The following TJP2 variants were observed in gnomAD, a reference collection of about 807,000 sequenced individuals.
The protein encoded by TJP2 is tight junction protein 2, also known as Friedreich ataxia region gene X104 (tight junction protein ZO-2).
A neutral mutation model predicts 133.1 loss-of-function variants in TJP2; 91 were observed. That is an observed-to-expected ratio of 0.68 (90% CI 0.58 to 0.81). The LOEUF is 0.81. Among genes scored for constraint, TJP2 ranks in the 40% least tolerant of loss-of-function variants. The probability of loss-of-function intolerance (pLI) is 0.00; values close to 1 mark genes in which losing one functional copy is unlikely to be tolerated. For synonymous variants in TJP2, 592 were observed against 583.4 expected (o/e 1.01, Z -0.21); for missense variants, 1,541 against 1,565.6 (o/e 0.98, Z 0.26).
chr9:69,212,771 G>A (rs963557073), intron 2 of TJP2, among the ~76,000 whole-genome samples, 170 bp downstream of exon 2: 1 of 151,946 alleles, frequency 6.6e-6, no homozygotes, highest in Non-Finnish European at 1.5e-5. Context: ...AGATTTGCAT[G>A]CTATTGTATT....
chr9:69,239,826 A>T, intron 16 of TJP2, 111 bp from the exon 17 acceptor site: 3 of 845,916 alleles, frequency 3.5e-6, no homozygotes, highest in Non-Finnish European at 5.3e-6. Context: ...ATAAGTAAAC[A>T]AACAAACAAA....
chr9:69,122,107 C>T (rs899985184), intron 1 of TJP2: 1 of 152,352 alleles, frequency 6.6e-6, no homozygotes. Context: ...CCACAGGTGT[C>T]TGGGAGCCAC....
At chr9:69,186,190 C>G (rs1825850148) in intron 1 of TJP2, among the ~76,000 whole-genome samples, 1 of 152,140 alleles carries the variant, frequency 6.6e-6, no homozygotes, top group Non-Finnish European at 1.5e-5. Flanking sequence ...TTTTTTCCTC[C>G]TTCAAATACT....
rs536733607 is a variant in TJP2 at position 69,248,329 on chromosome 9, G to A, written c.2880+105G>A. 11 of 1,472,224 alleles carry A rather than the reference G, an allele frequency of 7.5e-6. No individual in the cohort carries two copies. The South Asian group carries it at 1.6e-4, about 21-fold the overall frequency. 91.2% of individuals were successfully genotyped at this position (1,472,224 alleles called of 1,614,324 possible). A position where few individuals can be genotyped will look rare whatever the true frequency, so the allele number is the denominator to read the frequency against. ...GGTGCTGTGGAAGGCATTCCTAAGGGTTGGAGCAGATGACTTCCAGGGAGT... is the reference window on the plus strand; with the variant it reads ...GGTGCTGTGGAAGGCATTCCTAAGGATTGGAGCAGATGACTTCCAGGGAGT... On this transcript the variant is annotated intron_variant, in intron 19 of 22. Coordinates refer to ENST00000377245, the MANE Select transcript of TJP2 (RefSeq NM_004817.4).
intron 4 of TJP2, among the ~76,000 whole-genome samples, chr9:69,220,590 T>C (rs1355125493): frequency 2.0e-5 from 3 of 152,184 alleles, no homozygotes; most frequent in South Asian, 4.1e-4. Flanking sequence ...GTTTTTTGAG[T>C]TTTATAACTT....
At chr9:69,176,700 T>C (rs1284077265) in intron 1 of TJP2, among the ~76,000 whole-genome samples, 1 of 152,220 alleles carries the variant, frequency 6.6e-6, no homozygotes, top group Non-Finnish European at 1.5e-5. Flanking sequence ...ACTTTTGATC[T>C]AGTTCTTTGT....
At chr9:69,158,992 C>G (rs908972132) in intron 2 of TJP2, among the ~76,000 whole-genome samples, 1 of 151,556 alleles carries the variant, frequency 6.6e-6, no homozygotes, top group Non-Finnish European at 1.5e-5. Context: ...GCCCCCCCCC[C>G]ATCAAAATTA....
At chr9:69,152,466 T>C (rs1036099291) in intron 2 of TJP2, among the ~76,000 whole-genome samples, 49 of 152,294 alleles carry the variant, frequency 3.2e-4, no homozygotes, top group African/African-American at 1.1e-3. Context: ...TGGCAGCCCC[T>C]ACTTGGGTGG....
chr9:69,189,330 C>T (rs1219383559), intron 1 of TJP2, among the ~76,000 whole-genome samples: 1 of 152,126 alleles, frequency 6.6e-6, no homozygotes, highest in Non-Finnish European at 1.5e-5. Flanking sequence ...TCCACTGAAC[C>T]CTGGGAAGGG....
intron 17 of TJP2, among the ~76,000 whole-genome samples, chr9:69,244,907 C>T (rs1169012229): frequency 1.3e-5 from 2 of 152,132 alleles, no homozygotes; most frequent in Admixed American, 6.5e-5. Flanking sequence ...CACAAAATGC[C>T]GTTTTAACTT....
chr9:69,230,795 C>T (rs1480487497), intron 11 of TJP2, among the ~76,000 whole-genome samples: 1 of 152,174 alleles, frequency 6.6e-6, no homozygotes, highest in East Asian at 1.9e-4. Context: ...TACAAGGCAC[C>T]TAGCAGAGTT....
intron 1 of TJP2, among the ~76,000 whole-genome samples, chr9:69,147,431 C>T (rs1409634834): frequency 6.6e-6 from 1 of 152,074 alleles, no homozygotes; most frequent in African/African-American, 2.4e-5. Context: ...AAGCCGTGGC[C>T]TATATATTTA....
chr9:69,156,740 C>G (rs1022736103), intron 2 of TJP2, among the ~76,000 whole-genome samples: 1 of 151,744 alleles, frequency 6.6e-6, no homozygotes, highest in African/African-American at 2.4e-5. Flanking sequence ...ACCGTGGTCT[C>G]GATCTCCTGA....
At position 69,236,986 on chromosome 9, in the gene TJP2, G is replaced by C; in HGVS notation, c.2029G>C (p.Asp677His). 1 of 1,614,218 alleles carries C rather than the reference G, an allele frequency of 6.2e-7. No homozygotes were observed. Among genetic ancestry groups the C allele is most frequent in the Non-Finnish European group, 8.5e-7 (1 of 1,180,034 alleles). Residue 677 changes from aspartate (D) to histidine (H), a missense_variant, in exon 14 of 23, where the codon GAC becomes CAC. Physicochemically the swap from Asp to His is moderately conservative, Grantham distance 81. Coordinates refer to ENST00000377245, the MANE Select transcript of TJP2 (RefSeq NM_004817.4). ...QMASVQNAQRDNAGDRADFWR... is the reference protein window; with the variant it reads ...QMASVQNAQRHNAGDRADFWR... ...GGCCAGTGTTCAAAATGCCCAGAGA[G>C]ACAACGCTGGGGACCGGGCAGATTT...
At chr9:69,173,487 T>C (rs1437803872), upstream of TJP2, among the ~76,000 whole-genome samples, 2 of 152,172 alleles carry the variant, frequency 1.3e-5, no homozygotes. Context: ...AAGCTGATGA[T>C]GGGAGAGGAG....
chr9:69,244,347 A>G (rs1830782663), intron 17 of TJP2, among the ~76,000 whole-genome samples: 1 of 151,676 alleles, frequency 6.6e-6, no homozygotes, highest in African/African-American at 2.4e-5. Flanking sequence ...CTTTCCCTAA[A>G]CCCTCTAGTC....
At chr9:69,205,281 A>T in intron 1 of TJP2, 1 of 1,537,096 alleles carries the variant, frequency 6.5e-7, no homozygotes. Flanking sequence ...ACCTTTCTTC[A>T]TGGGAAGGGG....
At chr9:69,169,204 C>T (rs1314305536) in intron 2 of TJP2, among the ~76,000 whole-genome samples, 1 of 152,090 alleles carries the variant, frequency 6.6e-6, no homozygotes, top group African/African-American at 2.4e-5. Context: ...GAGCAGGCTC[C>T]CTTTTATAAA....
rs1217138500 is a variant in TJP2 at position 69,237,064 on chromosome 9, C to A, written c.2107C>A (p.Arg703=). ...SGVKKNLRKS[R]EDLTAVVSVS... ...GGTGAAGAAGAACCTGAGGAAAAGTCGGGAAGACCTCACAGCTGTTGTGTC... is the reference window on the plus strand; with the variant it reads ...GGTGAAGAAGAACCTGAGGAAAAGTAGGGAAGACCTCACAGCTGTTGTGTC... The change falls in exon 14 of 23, where the codon CGG becomes AGG. Residue 703 remains arginine, a synonymous_variant. Coordinates refer to ENST00000377245, the MANE Select transcript of TJP2 (RefSeq NM_004817.4). 6.2e-7 allele frequency: 1 copy of A among 1,614,118 alleles called. No individual in the cohort carries two copies. The highest frequency in any genetic ancestry group is 8.5e-7 in the Non-Finnish European group (1 of 1,180,032).
Sources: allele counts gnomAD v4.1 joint callset (sites outside exome capture counted in the v4.1 genomes callset), GRCh38; gene constraint gnomAD v4.1.1; transcripts MANE v1.5; gene names NCBI Gene and HGNC (gene_info 2026-07-23, HGNC 2026-07-21).